Variants in SYT14 observed in about 807,000 individuals in gnomAD.
SYT14 encodes synaptotagmin-14.
A neutral mutation model predicts 74.2 loss-of-function variants in SYT14; 32 were observed. That is an observed-to-expected ratio of 0.43 (90% CI 0.33 to 0.58). The LOEUF is 0.58. Ranked by LOEUF, SYT14 falls within the 20% of genes least tolerant of loss-of-function variation. SYT14 has a pLI of 0.05. For synonymous variants in SYT14, 298 were observed against 337.7 expected (o/e 0.88, Z 1.29); for missense variants, 791 against 981.8 (o/e 0.81, Z 2.60).
chr1:210,016,182 G>C (rs1336274852), exon 4 of SYT14: 2 of 1,232,128 alleles, frequency 1.6e-6, no homozygotes, highest in Non-Finnish European at 2.0e-6. Context: ...GAAGAGGAAA[G>C]CTCTGTAGCA....
intron 5 of SYT14, among the ~76,000 whole-genome samples, chr1:210,068,241 G>C (rs907379256): frequency 1.3e-5 from 2 of 151,742 alleles, no homozygotes; most frequent in African/African-American, 4.8e-5. Context: ...TACATTAAAA[G>C]ATATCCCTTT....
chr1:210,159,811 G>A (rs2083337656), intron 9 of SYT14, among the ~76,000 whole-genome samples: 1 of 152,060 alleles, frequency 6.6e-6, no homozygotes, highest in Non-Finnish European at 1.5e-5. Context: ...AAGTACACAT[G>A]ATGGATCAAC....
chr1:210,013,667 T>C, exon 3 of SYT14: 1 of 1,613,152 alleles, frequency 6.2e-7, no homozygotes, highest in Non-Finnish European at 8.5e-7. Context: ...TGTCAGCTGT[T>C]GGGGTGTTTA....
chr1:210,159,544 C>G, intron 9 of SYT14, 67 bp downstream of exon 8: 1 of 1,403,120 alleles, frequency 7.1e-7, no homozygotes, highest in Non-Finnish European at 9.9e-7. Context: ...CTAAAACTTG[C>G]CAGCAGTGAA....
At chr1:209,945,322 A>C (rs890618750) in intron 1 of SYT14, among the ~76,000 whole-genome samples, 7 of 152,234 alleles carry the variant, frequency 4.6e-5, no homozygotes, top group African/African-American at 1.7e-4. Flanking sequence ...GTCTGACTCA[A>C]TTCAGAAGCA....
At chr1:209,968,981 A>G (rs1437189537) in intron 2 of SYT14, among the ~76,000 whole-genome samples, 1 of 151,960 alleles carries the variant, frequency 6.6e-6, no homozygotes, top group African/African-American at 2.4e-5. Flanking sequence ...CCCACTTATA[A>G]GTGAGAATAT....
chr1:209,995,674 A>G (rs989281201), intron 2 of SYT14, among the ~76,000 whole-genome samples: 21 of 152,182 alleles, frequency 1.4e-4, no homozygotes, highest in African/African-American at 5.1e-4. Flanking sequence ...ACAACTACAG[A>G]GTATACATTC....
intron 7 of SYT14, among the ~76,000 whole-genome samples, chr1:210,114,209 G>A (rs1187654709): frequency 6.6e-6 from 1 of 151,406 alleles, no homozygotes; most frequent in Non-Finnish European, 1.5e-5. Context: ...GATGGGACAT[G>A]GTTTAGGAGG....
exon 10 of SYT14, chr1:210,168,406 T>C (rs2102745081): frequency 6.6e-6 from 1 of 152,310 alleles, no homozygotes; most frequent in South Asian, 2.1e-4. Context: ...TGTTAGACAT[T>C]TGAGTTTGTC....
At chr1:210,046,398 TC>T (rs1213944988) in intron 5 of SYT14, among the ~76,000 whole-genome samples, 1 of 145,378 alleles carries the variant, frequency 6.9e-6, no homozygotes, top group Non-Finnish European at 1.5e-5. Context: ...CAAAATTTAC[TC>T]ATTTCAAGTG....
At chr1:210,123,454 C>T (rs1256323917) in intron 7 of SYT14, among the ~76,000 whole-genome samples, 1 of 152,164 alleles carries the variant, frequency 6.6e-6, no homozygotes, top group Non-Finnish European at 1.5e-5. Context: ...TAGCATGAAT[C>T]TGGGGATTAA....
chr1:210,085,396 C>T (rs565410065), intron 5 of SYT14, among the ~76,000 whole-genome samples: 2 of 152,240 alleles, frequency 1.3e-5, no homozygotes, highest in East Asian at 3.9e-4. Flanking sequence ...TGGCTAGGAC[C>T]TTTAATACAT....
In SYT14 at chr1:210,131,657, C is replaced by T. The variant is rs986513797; in HGVS notation, c.2035-24064C>T. On this transcript the variant is annotated intron_variant, in intron 7 of 9. Coordinates refer to ENST00000637265, the Ensembl canonical transcript of SYT14. ...GACTACCAATTTTAATTCAGCACCA[C>T]AGGATTCATACTAATTTTCTCCCTT... is the stretch of plus-strand genomic sequence containing the variant. Among the ~76,000 whole-genome samples, 3 of 152,080 alleles carry T rather than the reference C, an allele frequency of 2.0e-5. 1 individual carries two copies. Among genetic ancestry groups the T allele is most frequent in the Non-Finnish European group, 4.4e-5 (3 of 68,006 alleles).
chr1:210,029,892 T>C (rs989133218), intron 5 of SYT14, among the ~76,000 whole-genome samples: 4 of 152,154 alleles, frequency 2.6e-5, no homozygotes, highest in Non-Finnish European at 5.9e-5. Context: ...GCCTTCTCAT[T>C]TATTTATTTA....
At chr1:210,149,794 A>G (rs1474924779) in intron 7 of SYT14, among the ~76,000 whole-genome samples, 1 of 152,176 alleles carries the variant, frequency 6.6e-6, no homozygotes, top group Non-Finnish European at 1.5e-5. Context: ...TGCAAGGCTA[A>G]TAACTGCACA....
chr1:209,946,739 C>A (rs1008084805), intron 1 of SYT14, among the ~76,000 whole-genome samples: 13 of 152,214 alleles, frequency 8.5e-5, no homozygotes, highest in African/African-American at 3.1e-4. Context: ...CTACACTAAA[C>A]AACAGATTTT....
intron 2 of SYT14, among the ~76,000 whole-genome samples, chr1:209,972,981 C>G (rs1235150470): frequency 6.6e-6 from 1 of 152,134 alleles, no homozygotes; most frequent in Non-Finnish European, 1.5e-5. Context: ...GTGTCTAAGT[C>G]TTTTCATAGG....
At chr1:209,990,025 C>T (rs1368141376) in intron 2 of SYT14, among the ~76,000 whole-genome samples, 1 of 152,058 alleles carries the variant, frequency 6.6e-6, no homozygotes. Flanking sequence ...GCATATAAAT[C>T]AATTTTAATA....
intron 7 of SYT14, among the ~76,000 whole-genome samples, chr1:210,127,560 G>C (rs2082591843): frequency 1.3e-5 from 2 of 152,188 alleles, no homozygotes; most frequent in South Asian, 4.1e-4. Flanking sequence ...AGTGGCTGTT[G>C]AGCAGGCAAA....
Sources: allele counts gnomAD v4.1 joint callset (sites outside exome capture counted in the v4.1 genomes callset), GRCh38; gene constraint gnomAD v4.1.1; transcripts MANE v1.5; gene names NCBI Gene and HGNC (gene_info 2026-07-23, HGNC 2026-07-21).